SLCO1B3: variants seen among roughly 807,000 people sequenced by gnomAD.
SLCO1B3 encodes solute carrier organic anion transporter family member 1B3.
SLCO1B3 carries 72 observed loss-of-function variants against 71.8 expected under a neutral mutation model. The observed-to-expected ratio is 1.00, with a 90% confidence interval of 0.83 to 1.22. The LOEUF (loss-of-function observed/expected upper bound fraction) is 1.22. Among genes scored for constraint, SLCO1B3 ranks in the 50% most tolerant of loss-of-function variants. The pLI, the probability that SLCO1B3 is intolerant of heterozygous loss-of-function variation, is 0.00. For missense variants in SLCO1B3, 911 were observed against 819.7 expected, an observed-to-expected ratio of 1.11 and a Z score of -1.36; for synonymous variants, 298 against 278.4, an observed-to-expected ratio of 1.07 and a Z score of -0.70.
Position 20,881,036 on chromosome 12 carries a change from C to CTAAT in SLCO1B3, c.1497+16_1497+17insTAAT, listed in dbSNP as rs1865684778. 3 of 1,552,884 alleles carry CTAAT rather than the reference C, an allele frequency of 1.9e-6. No homozygotes were observed. The highest frequency in any genetic ancestry group is 1.4e-5 in the African/African-American group (1 of 72,394). On this transcript the variant is annotated intron_variant, in intron 12 of 15. Transcript: ENST00000381545. ...AAAGCATACAGTGAGTATTAGTTTT[C>CTAAT]ACTTTTTCTCCTCTCCTTAATCAAA...
In SLCO1B3 at chr12:20,916,628, G is replaced by A. The variant is rs1866506047; in HGVS notation, c.*381G>A. ...TGAAACACTTTGGATGTATTACTTAGGCCAAAATCTGGCCTGGATTTATGC... is the reference window on the plus strand; with the variant it reads ...TGAAACACTTTGGATGTATTACTTAAGCCAAAATCTGGCCTGGATTTATGC... On this transcript the variant is annotated 3_prime_UTR_variant, in exon 16 of 16. Transcript: ENST00000381545. 6.5e-6 allele frequency: 1 copy of A among 153,344 alleles called. No individual in the cohort carries two copies. The highest frequency in any genetic ancestry group is 2.0e-4 in the South Asian group (1 of 4,884). The allele number at this position is 153,344 out of a possible 1,614,324, so 9.5% of individuals were successfully genotyped here.
chr12:20,858,622 G>T, intron 5 of SLCO1B3, 51 bp downstream of exon 5: 1 of 1,527,884 alleles, frequency 6.5e-7, no homozygotes, highest in Non-Finnish European at 8.9e-7. Flanking sequence ...TTGTAAATTA[G>T]CAGTAGAATT....
At position 20,879,517 on chromosome 12, in the gene SLCO1B3, G is replaced by A. The variant is rs374932005; in HGVS notation, c.1217G>A (p.Gly406Glu). The change falls in exon 11 of 16, where the codon GGA becomes GAA. Residue 406 changes from glycine (G) to glutamate (E), a missense_variant. By Grantham distance (98) the Gly-to-Glu change is moderately conservative (BLOSUM62 -2). Coordinates refer to ENST00000381545, the MANE Select transcript of SLCO1B3 (RefSeq NM_019844.4). ...AAAAAATTCAAATTGTCTTTAGTTGGAATTGCCAAATTTTCATTTCTTACT... is the reference window on the plus strand; with the variant it reads ...AAAAAATTCAAATTGTCTTTAGTTGAAATTGCCAAATTTTCATTTCTTACT... Reference protein sequence around the residue: ...IIKKFKLSLVGIAKFSFLTSM... With the variant: ...IIKKFKLSLVEIAKFSFLTSM... 6.8e-5 allele frequency: 110 copies of A among 1,611,078 alleles called. 1 individual carries two copies. The highest frequency in any genetic ancestry group is 8.7e-5 in the Non-Finnish European group (102 of 1,177,826).
Position 20,898,519 on chromosome 12 carries a change from T to TC in SLCO1B3, c.1747+19_1747+20insC. ...ACACTAGGTATGACAAATATATAGA[T>TC]TATACATTTTAACATATAAATATTA... On this transcript the variant is annotated intron_variant, in intron 14 of 15. Transcript: ENST00000381545. 1 of 1,262,440 alleles carries TC rather than the reference T, an allele frequency of 7.9e-7. No homozygotes were observed. Among genetic ancestry groups the TC allele is most frequent in the Non-Finnish European group, 1.1e-6 (1 of 881,572 alleles). 78.2% of individuals were successfully genotyped at this position (1,262,440 alleles called of 1,614,324 possible).
chr12:20,844,584 C>T lies in SLCO1B3; in HGVS notation c.85-10444C>T, dbSNP rs145243538. Among the ~76,000 whole-genome samples the T allele has an allele frequency of 5.7e-3, 867 of 151,912 alleles. 5 individuals are homozygous for T. The highest frequency in any genetic ancestry group is 0.02 in the Middle Eastern group (6 of 294). ...ATCTGTCTCAAAGAAAAAAAAAATT[C>T]CATCTTGCATTAATTGATAACCCCC... On this transcript the variant is annotated intron_variant, in intron 3 of 15. Coordinates refer to ENST00000381545, the MANE Select transcript of SLCO1B3 (RefSeq NM_019844.4).
chr12:20,862,508 T>G lies in SLCO1B3; in HGVS notation c.578T>G (p.Ile193Ser). 1 of 1,612,450 alleles carries G rather than the reference T, an allele frequency of 6.2e-7. No individual in the cohort carries two copies. The highest frequency in any genetic ancestry group is 8.5e-7 in the Non-Finnish European group (1 of 1,178,974). The change falls in exon 7 of 16, where the codon ATT becomes AGT. Residue 193 changes from isoleucine (I) to serine (S), a missense_variant. By Grantham distance (142) the Ile-to-Ser change is moderately radical (BLOSUM62 -2). Transcript: ENST00000381545. ...GAAACCCCCATAGTACCATTGGGGA[T>G]TTCATACATTGATGATTTTGCAAAA... ...IGETPIVPLG[I>S]SYIDDFAKEG...
chr12:20,822,854 C>T (rs1431995896), intron 3 of SLCO1B3, among the ~76,000 whole-genome samples: 1 of 152,130 alleles, frequency 6.6e-6, no homozygotes, highest in East Asian at 1.9e-4. Context: ...TTTCTTATGT[C>T]ATAGTGAATT....
At chr12:20,836,231 C>T (rs987847511) in intron 3 of SLCO1B3, among the ~76,000 whole-genome samples, 2 of 152,134 alleles carry the variant, frequency 1.3e-5, no homozygotes, top group Non-Finnish European at 2.9e-5. Context: ...AGTGGGGACG[C>T]AGCCAAAACA....
At chr12:20,877,742 T>C in intron 9 of SLCO1B3, 30 bp from the exon 10 acceptor site, 1 of 1,011,894 alleles carries the variant, frequency 9.9e-7, no homozygotes, top group Non-Finnish European at 1.3e-6. Flanking sequence ...TATTTTATTA[T>C]TGAAATATGT....
intron 3 of SLCO1B3, among the ~76,000 whole-genome samples, chr12:20,853,480 G>A (rs1865062937): frequency 6.6e-6 from 1 of 151,942 alleles, no homozygotes; most frequent in African/African-American, 2.4e-5. Flanking sequence ...TTCTAGGAAT[G>A]TATTCATTTA....
intron 3 of SLCO1B3, among the ~76,000 whole-genome samples, chr12:20,845,832 A>G (rs1028716365): frequency 8.5e-5 from 13 of 152,276 alleles, no homozygotes; most frequent in African/African-American, 2.9e-4. Flanking sequence ...GTTCTCCACT[A>G]TAATTGTGTT....
chr12:20,824,524 A>G (rs935543812), intron 3 of SLCO1B3, among the ~76,000 whole-genome samples: 2 of 152,200 alleles, frequency 1.3e-5, no homozygotes, highest in Admixed American at 1.3e-4. Context: ...TAGAACAGCC[A>G]TGGTTAAAGA....
At chr12:20,875,212 C>T (rs1207135134) in intron 8 of SLCO1B3, 23 bp from the exon 9 acceptor site, 2 of 1,611,092 alleles carry the variant, frequency 1.2e-6, no homozygotes, top group African/African-American at 1.3e-5. Flanking sequence ...TTTTGACTGG[C>T]TTCTTTTAAC....
intron 15 of SLCO1B3, 52 bp downstream of exon 15, chr12:20,901,519 A>G: frequency 1.1e-6 from 1 of 914,252 alleles, no homozygotes; most frequent in Non-Finnish European, 1.7e-6. Context: ...TGTCTATGTT[A>G]ATGTCTAAGA....
intron 3 of SLCO1B3, among the ~76,000 whole-genome samples, chr12:20,851,422 G>A (rs971195479): frequency 6.6e-6 from 1 of 152,116 alleles, no homozygotes; most frequent in African/African-American, 2.4e-5. Context: ...GATTAGTGAT[G>A]TTGAGCATCT....
chr12:20,818,610 T>C (rs1402141312), intron 3 of SLCO1B3, among the ~76,000 whole-genome samples: 1 of 152,096 alleles, frequency 6.6e-6, no homozygotes, highest in African/African-American at 2.4e-5. Context: ...GCAGATGGAA[T>C]AGCAGATGGA....
In SLCO1B3 at chr12:20,915,744, G is replaced by T. The variant is rs147214216; in HGVS notation, c.1866-260G>T. On this transcript the variant is annotated intron_variant, in intron 15 of 15. Transcript: ENST00000381545. Reference sequence around the variant, plus strand: ...AGGTAGAATGAGATGGCTTGAGGGGGCTGGAGTTATGTATTTTCCTCCCTC... The same window carrying T: ...AGGTAGAATGAGATGGCTTGAGGGGTCTGGAGTTATGTATTTTCCTCCCTC... Among the ~76,000 whole-genome samples, 68 of 152,228 alleles carry T rather than the reference G, an allele frequency of 4.5e-4. 1 individual carries two copies. The highest frequency in any genetic ancestry group is 1.6e-3 in the African/African-American group (65 of 41,546).
At chr12:20,878,939 T>A (rs1286829607) in intron 10 of SLCO1B3, among the ~76,000 whole-genome samples, 2 of 152,148 alleles carry the variant, frequency 1.3e-5, no homozygotes, top group Non-Finnish European at 1.5e-5. Flanking sequence ...TATTGAGGAT[T>A]GAAACATTTT....
chr12:20,882,486 C>G (rs994963055), intron 12 of SLCO1B3, among the ~76,000 whole-genome samples: 1 of 152,136 alleles, frequency 6.6e-6, no homozygotes, highest in Non-Finnish European at 1.5e-5. Flanking sequence ...TCACTGCAGC[C>G]TCCACCTCCT....
Sources: allele counts gnomAD v4.1 joint callset (sites outside exome capture counted in the v4.1 genomes callset), GRCh38; gene constraint gnomAD v4.1.1; transcripts MANE v1.5; gene names NCBI Gene and HGNC (gene_info 2026-07-23, HGNC 2026-07-21).